The following TONSL variants were observed in gnomAD, a reference collection of about 807,000 sequenced individuals.
TONSL encodes the protein tonsoku like, DNA repair protein.
TONSL carries 112 observed loss-of-function variants against 147.1 expected under a neutral mutation model. The ratio of observed to expected loss-of-function variants is 0.76; its 90% CI spans 0.65 to 0.89. The LOEUF is 0.89. Among genes scored for constraint, TONSL ranks in the 40% least tolerant of loss-of-function variants. TONSL has a pLI of 0.00. For missense variants in TONSL, 1,883 were observed against 1,864.6 expected (o/e 1.01, Z -0.18); for synonymous variants, 868 against 801.5 (o/e 1.08, Z -1.40).
Position 144,429,067 on chromosome 8 carries a change from G to A in TONSL, c.*76C>T. On this transcript the variant is annotated 3_prime_UTR_variant, in exon 26 of 26. Transcript: ENST00000409379. ...GCCTCCCAAAGTGTTGGGATTACAGGCGTGAGCCACCGCGCCCGGCCAGCA... is the reference window on the plus strand; with the variant it reads ...GCCTCCCAAAGTGTTGGGATTACAGACGTGAGCCACCGCGCCCGGCCAGCA... 7.0e-7 allele frequency: 1 copy of A among 1,430,326 alleles called. No homozygotes were observed. Among genetic ancestry groups the A allele is most frequent in the Non-Finnish European group, 9.2e-7 (1 of 1,089,994 alleles). 88.6% of individuals were successfully genotyped at this position (1,430,326 alleles called of 1,614,324 possible).
At position 144,429,205 on chromosome 8, in the gene TONSL, G is replaced by A. The variant is rs1823059209; in HGVS notation, c.4075C>T (p.Arg1359Trp). The A allele has an allele frequency of 6.5e-7, 1 of 1,535,178 alleles. No individual in the cohort carries two copies. The highest frequency in any genetic ancestry group is 8.7e-7 in the Non-Finnish European group (1 of 1,144,934). ...AGCGTGCACTCGCCGGGGCCCGGCC[G>A]ACTGGGCTGCAGCTGGCGCAGGGCG... ...RDALRQLQPS[R>W]PGPGECTLDH... Residue 1359 changes from arginine to tryptophan, a missense_variant, in exon 26 of 26, where the codon CGG becomes TGG. By Grantham distance (101) the Arg-to-Trp change is moderately radical. Transcript: ENST00000409379.
In TONSL at chr8:144,442,050, C is replaced by A; in HGVS notation, c.852G>T (p.Gln284His). The A allele has an allele frequency of 6.2e-7, 1 of 1,612,770 alleles. No homozygotes were observed. Among genetic ancestry groups the A allele is most frequent in the South Asian group, 1.1e-5 (1 of 91,062 alleles). Residue 284 changes from glutamine to histidine, a missense_variant, in exon 7 of 26, where the codon CAG becomes CAT. Transcript: ENST00000409379. Reference protein sequence around the residue: ...QKPVQRAAICQNLQHVLAVVR... With the variant: ...QKPVQRAAICHNLQHVLAVVR... ...CCCCAGGCTCACCATGCTGGAGGTTCTGACAGATGGCTGCCCTCTGCACAG... is the reference window on the plus strand; with the variant it reads ...CCCCAGGCTCACCATGCTGGAGGTTATGACAGATGGCTGCCCTCTGCACAG...
In TONSL at chr8:144,440,347, G is replaced by C. The variant is rs371357002; in HGVS notation, c.1290+4C>G. 1.0e-4 allele frequency: 166 copies of C among 1,583,764 alleles called. 1 individual carries two copies. In the African/African-American group the frequency reaches 1.9e-3, roughly 18 times the overall value. ...GCCAGTATGGGTGGGATGGGCTCTC[G>C]CACCTGCAGCTGGGGACGCTGGGCC... On this transcript the variant is annotated splice_donor_region_variant and intron_variant, in intron 10 of 25. Transcript: ENST00000409379.
In TONSL at chr8:144,443,468, C is replaced by T; in HGVS notation, c.265-147G>A. 9.4e-6 allele frequency: 7 copies of T among 741,456 alleles called. No individual in the cohort carries two copies. In the South Asian group the frequency reaches 1.3e-4, roughly 14 times the overall value. The allele number at this position is 741,456 out of a possible 1,614,324, so 45.9% of individuals were successfully genotyped here. A position where few individuals can be genotyped will look rare whatever the true frequency, so the allele number is the denominator to read the frequency against. ...GCAGGCCAAGGCCAGACACGTGCCCCTCCTCTGCATGCCAAGGGCTCTCTG... is the reference window on the plus strand; with the variant it reads ...GCAGGCCAAGGCCAGACACGTGCCCTTCCTCTGCATGCCAAGGGCTCTCTG... On this transcript the variant is annotated intron_variant, in intron 3 of 25. Transcript: ENST00000409379.
At chr8:144,439,846 G>A in intron 11 of TONSL, 175 bp downstream of exon 11, 2 of 557,354 alleles carry the variant, frequency 3.6e-6, no homozygotes, top group Non-Finnish European at 6.3e-6. Context: ...GGCCGCCCCA[G>A]GCTCCCTGCG....
At chr8:144,444,109 CCCCCGGCCCCCGA>C in intron 2 of TONSL, 58 bp downstream of exon 2, 1 of 1,306,248 alleles carries the variant, frequency 7.7e-7, no homozygotes, top group Non-Finnish European at 9.7e-7. Context: ...AGCCCGTCGC[CCCCCGGCCCCCGA>C]TCCCGGCCCG....
At chr8:144,433,904 G>A in intron 21 of TONSL, 74 bp downstream of exon 21, 2 of 1,486,648 alleles carry the variant, frequency 1.3e-6, no homozygotes, top group South Asian at 2.8e-5. Context: ...AACTACCCTA[G>A]ACCACCCAGG....
chr8:144,440,896 G>T, intron 8 of TONSL, 26 bp from the exon 9 acceptor site: 4 of 1,612,550 alleles, frequency 2.5e-6, no homozygotes, highest in Non-Finnish European at 3.4e-6. Context: ...GTGAGGCCAG[G>T]GGCTGCCACC....
At chr8:144,441,912 G>C (rs2129691393) in intron 7 of TONSL, 125 bp downstream of exon 7, 1 of 750,088 alleles carries the variant, frequency 1.3e-6, no homozygotes, top group East Asian at 2.8e-5. Flanking sequence ...CTGCCTCCAA[G>C]GACAGGTGCT....
At position 144,438,710 on chromosome 8, in the gene TONSL, CG is replaced by C. The variant is rs1035581374; in HGVS notation, c.1505del (p.Pro502ArgfsTer48). 3.1e-6 allele frequency: 5 copies of C among 1,613,098 alleles called. No homozygotes were observed. The highest frequency in any genetic ancestry group is 1.7e-5 in the Admixed American group (1 of 59,980). On this transcript the variant is annotated frameshift_variant, in exon 12 of 26. Coordinates refer to ENST00000409379, the MANE Select transcript of TONSL (RefSeq NM_013432.5). LOFTEE classifies it high-confidence loss of function. ...GAAGCTCCTCGTCCTCCTCCAGCTG[CG>C]GGGTCAGGCCATCGGTGTCGTCCTC... ...EGEDDTDGLTPQLEEDEELQG... is the reference protein window; with the variant it reads ...EGEDDTDGLTXQLEEDEELQG...
rs1554878114 is a variant in TONSL, at chr8:144,429,332, G to A, written c.3948C>T (p.Cys1316=). ...QGLSFLGLSG[C]AVQGPLGLGL... is the part of the protein sequence containing the mutation. Reference sequence around the variant, plus strand: ...CCAGGCCCAGGGGACCCTGGACGGCGCAGCCTGCGGAGGGGAAGAGGGCAG... The same window carrying A: ...CCAGGCCCAGGGGACCCTGGACGGCACAGCCTGCGGAGGGGAAGAGGGCAG... Residue 1316 remains cysteine, a synonymous_variant, in exon 26 of 26, where the codon TGC becomes TGT. Transcript: ENST00000409379. The A allele has an allele frequency of 1.2e-5, 17 of 1,439,884 alleles. No homozygotes were observed. The East Asian group carries it at 4.4e-4, about 37-fold the overall frequency. 89.2% of individuals were successfully genotyped at this position (1,439,884 alleles called of 1,614,324 possible).
At position 144,435,532 on chromosome 8, in the gene TONSL, GA is replaced by G; in HGVS notation, c.2793del (p.Ile933SerfsTer75). The stretch of plus-strand genomic sequence containing the variant: ...TGAACTTGAACTCGAACCCGGATGG[GA>G]GGGGGCGGGGCCGGACCCTGGCAGG... ...AGQPLGPAPP[P>X]PIRVRVQVQD... is the part of the protein sequence containing the mutation. On this transcript the variant is annotated frameshift_variant, in exon 18 of 26. Transcript: ENST00000409379. LOFTEE classifies it high-confidence loss of function. The G allele has an allele frequency of 1.9e-6, 3 of 1,551,692 alleles. No homozygotes were observed. Among genetic ancestry groups the G allele is most frequent in the Non-Finnish European group, 2.6e-6 (3 of 1,147,326 alleles).
rs137885184 is a variant in TONSL at position 144,440,068 on chromosome 8, G to T, written c.1433C>A (p.Ala478Glu). Residue 478 changes from alanine to glutamate, a missense_variant, in exon 11 of 26, where the codon GCG (alanine) becomes GAG (glutamate). Physicochemically the swap from Ala to Glu is moderately radical, Grantham distance 107. Coordinates refer to ENST00000409379, the MANE Select transcript of TONSL (RefSeq NM_013432.5). The part of the protein sequence containing the change: ...EEEAEEAAAT[A>E]ESEALEAGEV... ...GCCGGCCTCCAGGGCTTCGCTCTCC[G>T]CTGTGGCTGCCGCCTCCTCCGCCTC... 2.3e-5 allele frequency: 36 copies of T among 1,578,310 alleles called. No individual in the cohort carries two copies. The Middle Eastern group carries it at 5.0e-4, about 22-fold the overall frequency.
Position 144,443,333 on chromosome 8 carries a change from AG to A in TONSL, c.265-13del, listed in dbSNP as rs1823789828. On this transcript the variant is annotated splice_polypyrimidine_tract_variant and intron_variant, in intron 3 of 25. Coordinates refer to ENST00000409379, the MANE Select transcript of TONSL (RefSeq NM_013432.5). ...TACTGGTGCTGGTGCTGAGTGTGGA[AG>A]GAAGTCACTGCTGTGAGCCGACTCC... is the stretch of plus-strand genomic sequence containing the variant. The A allele has an allele frequency of 1.3e-6, 2 of 1,544,810 alleles. No homozygotes were observed. Among genetic ancestry groups the A allele is most frequent in the Non-Finnish European group, 1.8e-6 (2 of 1,142,672 alleles).
At chr8:144,433,936 A>C in intron 21 of TONSL, 42 bp downstream of exon 21, 1 of 1,519,222 alleles carries the variant, frequency 6.6e-7, no homozygotes, top group Non-Finnish European at 8.8e-7. Flanking sequence ...TGGGAACCCC[A>C]ACTCCCCGCT....
Position 144,432,452 on chromosome 8 carries a change from G to A in TONSL, c.3568C>T (p.His1190Tyr). 6.5e-7 allele frequency: 1 copy of A among 1,543,816 alleles called. No individual in the cohort carries two copies. The highest frequency in any genetic ancestry group is 8.7e-7 in the Non-Finnish European group (1 of 1,146,734). The change falls in exon 23 of 26, where the codon CAC becomes TAC. Residue 1190 changes from histidine (H) to tyrosine (Y), a missense_variant. Physicochemically the swap from His to Tyr is moderately conservative, Grantham distance 83. Coordinates refer to ENST00000409379, the MANE Select transcript of TONSL (RefSeq NM_013432.5). ...TAGGACAGGGACAGGGTCTTCAGGT[G>A]CTCAGCATCTGCACCGGGGCCAGAA... ...ALGSAFQDAEHLKTLSLSYNA... is the reference protein window; with the variant it reads ...ALGSAFQDAEYLKTLSLSYNA...
At chr8:144,438,364 C>T in intron 13 of TONSL, 107 bp downstream of exon 13, 1 of 1,260,082 alleles carries the variant, frequency 7.9e-7, no homozygotes, top group Non-Finnish European at 1.1e-6. Flanking sequence ...TAAGGGGCCC[C>T]ATTTTGAAGA....
At chr8:144,444,137 C>CGGGCCCCGGCCCT in intron 2 of TONSL, 43 bp downstream of exon 2, 1 of 1,323,536 alleles carries the variant, frequency 7.6e-7, no homozygotes, top group Non-Finnish European at 9.6e-7. Context: ...GGCCCGGGCC[C>CGGGCCCCGGCCCT]GGGCCCCGGC....
chr8:144,433,962 C>A lies in TONSL; in HGVS notation c.3387+16G>T. 1 of 1,551,246 alleles carries A rather than the reference C, an allele frequency of 6.4e-7. No homozygotes were observed. Among genetic ancestry groups the A allele is most frequent in the East Asian group, 2.3e-5 (1 of 44,084 alleles). On this transcript the variant is annotated intron_variant, in intron 21 of 25. Coordinates refer to ENST00000409379, the MANE Select transcript of TONSL (RefSeq NM_013432.5). ...ACTCCCCGCTGTTGAGGGCCTGCTG[C>A]TCTCTGTGCCTATACCTGCAAGGTG... is the stretch of plus-strand genomic sequence containing the variant.
Sources: gnomAD v4.1 joint callset for allele counts on GRCh38, gnomAD v4.1.1 for gene constraint, MANE v1.5 for transcripts, NCBI Gene and HGNC (gene_info 2026-07-23, HGNC 2026-07-21) for gene names.